PTPRO: variants seen among roughly 807,000 people sequenced by gnomAD.
PTPRO encodes protein tyrosine phosphatase receptor type O, also known as receptor-type tyrosine-protein phosphatase O.
PTPRO carries 62 observed loss-of-function variants against 145.2 expected under a neutral mutation model. That is an observed-to-expected ratio of 0.43 (90% CI 0.35 to 0.53). PTPRO has a LOEUF of 0.53. Among genes scored for constraint, PTPRO ranks in the 20% least tolerant of loss-of-function variants. The pLI is 0.01. For missense variants in PTPRO, 1,345 were observed against 1,482.7 expected (o/e 0.91, Z 1.53); for synonymous variants, 565 against 514.7 (o/e 1.10, Z -1.32).
At chr12:15,533,474 T>C (rs1565689959) in intron 12 of PTPRO, among the ~76,000 whole-genome samples, 1 of 152,214 alleles carries the variant, frequency 6.6e-6, no homozygotes, top group Non-Finnish European at 1.5e-5. Flanking sequence ...TTCCATTTTA[T>C]ATAACACAAT....
chr12:15,580,653 T>A (rs899872541), intron 21 of PTPRO, 44 bp from the exon 22 acceptor site: 6 of 1,613,452 alleles, frequency 3.7e-6, no homozygotes, highest in Admixed American at 3.3e-5. Flanking sequence ...CATTTGGTGT[T>A]GACAGTGTCT....
At chr12:15,365,117 G>A (rs191374708) in intron 1 of PTPRO, among the ~76,000 whole-genome samples, 6 of 152,090 alleles carry the variant, frequency 3.9e-5, no homozygotes, top group East Asian at 1.9e-4. Context: ...CCAAGAATGC[G>A]GAATCTAATT....
chr12:15,401,127 A>G (rs1939481016), intron 1 of PTPRO, among the ~76,000 whole-genome samples: 1 of 152,206 alleles, frequency 6.6e-6, no homozygotes, highest in African/African-American at 2.4e-5. Flanking sequence ...AACATGGGCC[A>G]GTGGTACAGA....
At chr12:15,369,128 C>T (rs927327352) in intron 1 of PTPRO, among the ~76,000 whole-genome samples, 3 of 152,048 alleles carry the variant, frequency 2.0e-5, no homozygotes, top group African/African-American at 7.2e-5. Flanking sequence ...TTTAATTGGA[C>T]CTTCAGTCGA....
chr12:15,563,374 T>C (rs1489626327), intron 17 of PTPRO, among the ~76,000 whole-genome samples: 1 of 152,096 alleles, frequency 6.6e-6, no homozygotes, highest in East Asian at 1.9e-4. Flanking sequence ...AGCCTTAATT[T>C]GCGTGAATTT....
intron 1 of PTPRO, among the ~76,000 whole-genome samples, chr12:15,390,394 G>T (rs1055405956): frequency 6.6e-6 from 1 of 152,142 alleles, no homozygotes; most frequent in East Asian, 1.9e-4. Context: ...AAGGTGAAAG[G>T]CACATCTCAA....
chr12:15,413,856 G>T (rs1457732473), intron 1 of PTPRO, among the ~76,000 whole-genome samples: 1 of 152,014 alleles, frequency 6.6e-6, no homozygotes, highest in East Asian at 1.9e-4. Context: ...AAAAGATTGA[G>T]ACTTTTTTAA....
At chr12:15,408,122 C>A (rs1314453105) in intron 1 of PTPRO, among the ~76,000 whole-genome samples, 1 of 151,956 alleles carries the variant, frequency 6.6e-6, no homozygotes, top group East Asian at 1.9e-4. Context: ...ATCTTTCCCT[C>A]CTTCAGATAT....
chr12:15,550,339 T>A (rs1477759487), intron 14 of PTPRO, among the ~76,000 whole-genome samples: 1 of 152,210 alleles, frequency 6.6e-6, no homozygotes. Context: ...TTCCTCATGG[T>A]CTTCACATTG....
rs553051084 is a variant in PTPRO, at chr12:15,456,105, C to G, written c.76-27869C>G. Among the ~76,000 whole-genome samples, 5 of 152,282 alleles carry G rather than the reference C, an allele frequency of 3.3e-5. No homozygotes were observed. The East Asian group carries it at 9.6e-4, about 29-fold the overall frequency. ...CATTGAGTATAATGTTAACTTTGAG[C>G]ATTTCATGTATGTCCTTTAGTATAT... is the stretch of plus-strand genomic sequence containing the variant. On this transcript the variant is annotated intron_variant, in intron 1 of 26. Coordinates refer to ENST00000281171, the MANE Select transcript of PTPRO (RefSeq NM_030667.3).
chr12:15,325,420 C>T lies in PTPRO; in HGVS notation c.75+2619C>T, dbSNP rs1442195083. Among the ~76,000 whole-genome samples, 2 of 152,170 alleles carry T rather than the reference C, an allele frequency of 1.3e-5. 1 individual carries two copies. Among genetic ancestry groups the T allele is most frequent in the South Asian group, 4.1e-4 (2 of 4,834 alleles). On this transcript the variant is annotated intron_variant, in intron 1 of 26. Coordinates refer to ENST00000281171, the MANE Select transcript of PTPRO (RefSeq NM_030667.3). ...TGGAGCAGTGATGAGCACATATAAT[C>T]GGGCATCTCAGACTGTCTAAATCAT...
chr12:15,399,845 G>A (rs1939439863), intron 1 of PTPRO, among the ~76,000 whole-genome samples: 1 of 151,582 alleles, frequency 6.6e-6, no homozygotes, highest in Non-Finnish European at 1.5e-5. Context: ...GAGGTCAGGG[G>A]TTCGAGACCA....
intron 1 of PTPRO, among the ~76,000 whole-genome samples, chr12:15,359,697 G>A (rs1485456145): frequency 4.6e-5 from 7 of 152,036 alleles, no homozygotes; most frequent in Admixed American, 3.3e-4. Flanking sequence ...CAAAGTGCTG[G>A]AATTACAGGC....
chr12:15,487,334 A>G (rs899288049), intron 2 of PTPRO, among the ~76,000 whole-genome samples: 1 of 152,104 alleles, frequency 6.6e-6, no homozygotes, highest in Non-Finnish European at 1.5e-5. Flanking sequence ...TCTACTTTGT[A>G]TTAGTGCAGG....
At chr12:15,418,549 G>T (rs1174207332) in intron 1 of PTPRO, among the ~76,000 whole-genome samples, 3 of 151,714 alleles carry the variant, frequency 2.0e-5, no homozygotes, top group Non-Finnish European at 4.4e-5. Flanking sequence ...AGACAAGGAA[G>T]GTTTTATGAG....
intron 4 of PTPRO, among the ~76,000 whole-genome samples, chr12:15,501,161 T>C (rs1190337383): frequency 2.0e-5 from 3 of 152,242 alleles, no homozygotes; most frequent in African/African-American, 4.8e-5. Context: ...AGGCAACACA[T>C]GTATGCAACT....
chr12:15,367,878 C>G, intron 1 of PTPRO, among the ~76,000 whole-genome samples: 1 of 152,146 alleles, frequency 6.6e-6, no homozygotes, highest in East Asian at 1.9e-4. Context: ...CATCCTGCAC[C>G]AAGCCTCACC....
intron 2 of PTPRO, among the ~76,000 whole-genome samples, chr12:15,492,076 T>C (rs1942011288): frequency 6.6e-6 from 1 of 152,220 alleles, no homozygotes; most frequent in Non-Finnish European, 1.5e-5. Context: ...TGATAACCAC[T>C]ATATCATCCA....
chr12:15,520,386 T>G, intron 10 of PTPRO, 74 bp downstream of exon 10: 280 of 1,100,542 alleles, frequency 2.5e-4, no homozygotes, highest in Middle Eastern at 4.7e-4. Context: ...TCCAAATCTC[T>G]AGAAAGTGCC....
Sources: gnomAD v4.1 joint callset for allele counts (sites outside exome capture counted in the v4.1 genomes callset) on GRCh38, gnomAD v4.1.1 for gene constraint, MANE v1.5 for transcripts, NCBI Gene and HGNC (gene_info 2026-07-23, HGNC 2026-07-21) for gene names.